The following SV2C variants were observed in gnomAD, a reference collection of about 807,000 sequenced individuals.
SV2C encodes the protein synaptic vesicle glycoprotein 2C, also known as solute carrier family 22 member B3.
Under a neutral mutation model 79.7 loss-of-function variants are expected in SV2C, and 49 were observed. The ratio of observed to expected loss-of-function variants is 0.61; its 90% confidence interval spans 0.49 to 0.78. The LOEUF (loss-of-function observed/expected upper bound fraction) is 0.78. Among genes scored for constraint, SV2C ranks in the 30% least tolerant of loss-of-function variants. The pLI is 0.00. For synonymous variants in SV2C, 334 were observed against 333.2 expected (o/e 1.00, Z -0.03); for missense variants, 833 against 912.9 (o/e 0.91, Z 1.13).
At chr5:76,034,663 G>A in the SV2C span, among the ~76,000 whole-genome samples, 2 of 152,178 alleles carry the variant, frequency 1.3e-5, no homozygotes, top group South Asian at 4.1e-4. Context: ...GTATTTTATT[G>A]AGGATTTTTG....
the SV2C span, among the ~76,000 whole-genome samples, chr5:75,892,326 C>T: frequency 6.6e-6 from 1 of 151,878 alleles, no homozygotes; most frequent in African/African-American, 2.4e-5. Context: ...GTGCAGTGAT[C>T]AAGTCAGTGT....
chr5:75,867,593 C>T, the SV2C span, among the ~76,000 whole-genome samples: 3,751 of 152,264 alleles, frequency 0.025, 161 homozygotes, highest in African/African-American at 0.086. Context: ...AATAAAGTTA[C>T]ATTTTTTATA....
chr5:76,206,902 G>A (rs766925704), intron 3 of SV2C, among the ~76,000 whole-genome samples: 1 of 152,126 alleles, frequency 6.6e-6, no homozygotes, highest in Non-Finnish European at 1.5e-5. Context: ...AAATAACTTT[G>A]CAAAGGATTT....
the SV2C span, among the ~76,000 whole-genome samples, chr5:75,884,229 C>T: frequency 6.6e-6 from 1 of 152,108 alleles, no homozygotes; most frequent in Non-Finnish European, 1.5e-5. Context: ...ATTTGATTGG[C>T]TTTGCAGTAA....
the SV2C span, among the ~76,000 whole-genome samples, chr5:76,035,789 C>A: frequency 6.6e-6 from 1 of 151,942 alleles, no homozygotes; most frequent in Non-Finnish European, 1.5e-5. Context: ...GAGTTCAATT[C>A]CTGGGTATCC....
At chr5:76,203,869 T>C (rs965453474) in intron 3 of SV2C, among the ~76,000 whole-genome samples, 3 of 152,256 alleles carry the variant, frequency 2.0e-5, no homozygotes, top group African/African-American at 7.2e-5. Flanking sequence ...AAATCATCCA[T>C]CCTTTGGCAT....
chr5:76,194,205 C>A (rs1744196481), intron 2 of SV2C, among the ~76,000 whole-genome samples: 2 of 152,252 alleles, frequency 1.3e-5, no homozygotes, highest in South Asian at 2.1e-4. Context: ...ATGAAAGACT[C>A]CCAAGTCTTT....
chr5:76,163,371 C>T (rs1413323870), intron 2 of SV2C, among the ~76,000 whole-genome samples: 1 of 152,220 alleles, frequency 6.6e-6, no homozygotes, highest in African/African-American at 2.4e-5. Context: ...ATTGAATGAA[C>T]AAATGAATGT....
chr5:76,223,372 G>C (rs1311630750), intron 4 of SV2C, among the ~76,000 whole-genome samples: 1 of 147,620 alleles, frequency 6.8e-6, no homozygotes, highest in Non-Finnish European at 1.5e-5. Context: ...AGGTTACAAT[G>C]AGTCATGGTC....
the SV2C span, among the ~76,000 whole-genome samples, chr5:76,024,909 A>G: frequency 6.6e-6 from 1 of 152,152 alleles, no homozygotes; most frequent in East Asian, 1.9e-4. Flanking sequence ...TCAAGGGTCA[A>G]CTGTATGGAA....
the SV2C span, among the ~76,000 whole-genome samples, chr5:75,903,381 A>ATTTTTT: frequency 1.4e-3 from 196 of 142,804 alleles, no homozygotes; most frequent in Middle Eastern, 7.7e-3. Flanking sequence ...TTTTTTTTAA[A>ATTTTTT]AAAAAAAGAA....
chr5:75,853,859 CTACTT>C, the SV2C span, among the ~76,000 whole-genome samples: 28 of 150,792 alleles, frequency 1.9e-4, no homozygotes, highest in East Asian at 3.9e-4. Flanking sequence ...TTTTTAAACT[CTACTT>C]TATTCAGGTA....
At chr5:76,161,484 A>G (rs2112249670) in intron 2 of SV2C, among the ~76,000 whole-genome samples, 1 of 152,240 alleles carries the variant, frequency 6.6e-6, no homozygotes, top group Non-Finnish European at 1.5e-5. Flanking sequence ...GGCACATGAC[A>G]CCATGTCCGG....
the SV2C span, chr5:75,921,788 T>C: frequency 9.7e-6 from 3 of 310,088 alleles, no homozygotes; most frequent in South Asian, 4.4e-5. Context: ...CCAAGGATTG[T>C]TGTGAAGATT....
At chr5:75,984,555 A>ATT in the SV2C span, among the ~76,000 whole-genome samples, 3 of 119,064 alleles carry the variant, frequency 2.5e-5, no homozygotes, top group South Asian at 7.7e-4. Flanking sequence ...CTATCTATCT[A>ATT]TCTATCTATC....
chr5:76,336,330 G>A (rs1245710121), downstream of SV2C, among the ~76,000 whole-genome samples: 5 of 152,042 alleles, frequency 3.3e-5, no homozygotes, highest in East Asian at 9.7e-4. Flanking sequence ...CCTCCCAGAG[G>A]GGATGGCGGC....
chr5:76,324,608 CCAAGA>C (rs1748929768), intron 12 of SV2C, among the ~76,000 whole-genome samples: 3 of 151,960 alleles, frequency 2.0e-5, no homozygotes, highest in Non-Finnish European at 4.4e-5. Flanking sequence ...CTTTGGGAGG[CCAAGA>C]CAAGAGGATT....
At chr5:76,019,805 T>G in the SV2C span, among the ~76,000 whole-genome samples, 83 of 152,288 alleles carry the variant, frequency 5.5e-4, no homozygotes, top group Admixed American at 1.8e-3. Flanking sequence ...GAGGGAAGTT[T>G]AAAACAGTAT....
chr5:76,249,847 T>G (rs946900401), intron 4 of SV2C, among the ~76,000 whole-genome samples: 1 of 152,168 alleles, frequency 6.6e-6, no homozygotes, highest in Non-Finnish European at 1.5e-5. Flanking sequence ...TGCAGAGCCA[T>G]GGGGTATATA....
Sources: allele counts gnomAD v4.1 joint callset (sites outside exome capture counted in the v4.1 genomes callset), GRCh38; gene constraint gnomAD v4.1.1; transcripts MANE v1.5; gene names NCBI Gene and HGNC (gene_info 2026-07-23, HGNC 2026-07-21).